The following ATOSA variants were observed in gnomAD, a reference collection of about 807,000 sequenced individuals.
The protein encoded by ATOSA is atos homolog A, also known as atos homolog protein A.
At chr15:52,682,203 CT>C in the ATOSA span, among the ~76,000 whole-genome samples, 1 of 151,886 alleles carries the variant, frequency 6.6e-6, no homozygotes, top group East Asian at 1.9e-4. Context: ...TTTCATTATA[CT>C]TTTGGGGCAA....
chr15:52,640,355 T>A, the ATOSA span, among the ~76,000 whole-genome samples: 1 of 151,472 alleles, frequency 6.6e-6, no homozygotes, highest in African/African-American at 2.4e-5. Flanking sequence ...AGGCTGAGGT[T>A]AGGAGTTCAA....
the ATOSA span, among the ~76,000 whole-genome samples, chr15:52,707,038 G>A: frequency 6.6e-6 from 1 of 152,162 alleles, no homozygotes; most frequent in Non-Finnish European, 1.5e-5. Flanking sequence ...GAGTTGTATG[G>A]TGTGTGAAAT....
chr15:52,674,979 T>C, the ATOSA span, among the ~76,000 whole-genome samples: 21 of 152,080 alleles, frequency 1.4e-4, no homozygotes, highest in Admixed American at 1.0e-3. Flanking sequence ...CTGTGAGAAG[T>C]TGGAATTATT....
At chr15:52,677,900 A>G in the ATOSA span, 1 of 1,418,872 alleles carries the variant, frequency 7.0e-7, no homozygotes, top group African/African-American at 1.4e-5. Flanking sequence ...ATCACATATG[A>G]TACAGAAATA....
At chr15:52,660,867 T>C in the ATOSA span, among the ~76,000 whole-genome samples, 1 of 152,182 alleles carries the variant, frequency 6.6e-6, no homozygotes, top group Non-Finnish European at 1.5e-5. Flanking sequence ...TTGGTAAGGC[T>C]GGTCTCAAAC....
the ATOSA span, among the ~76,000 whole-genome samples, chr15:52,695,599 G>A: frequency 1.3e-5 from 2 of 152,154 alleles, no homozygotes; most frequent in Admixed American, 6.5e-5. Flanking sequence ...TCTTGTCCTC[G>A]TGCACCTATG....
chr15:52,639,819 C>T, the ATOSA span, among the ~76,000 whole-genome samples: 11 of 152,196 alleles, frequency 7.2e-5, no homozygotes, highest in South Asian at 6.2e-4. Context: ...GGCACAATAT[C>T]GGCTCACTGC....
the ATOSA span, among the ~76,000 whole-genome samples, chr15:52,646,345 T>C: frequency 1.3e-5 from 2 of 152,326 alleles, no homozygotes; most frequent in South Asian, 4.1e-4. Flanking sequence ...GGACCTGTCA[T>C]TTCTTGTGCA....
chr15:52,623,111 A>T, the ATOSA span, among the ~76,000 whole-genome samples: 3 of 151,884 alleles, frequency 2.0e-5, no homozygotes, highest in African/African-American at 7.3e-5. Context: ...GTGAACTATG[A>T]TTGCACGACT....
the ATOSA span, among the ~76,000 whole-genome samples, chr15:52,674,641 C>T: frequency 6.6e-6 from 1 of 152,218 alleles, no homozygotes; most frequent in Non-Finnish European, 1.5e-5. Context: ...TATATTTTCT[C>T]AGATAACTAT....
At chr15:52,676,140 T>C in the ATOSA span, among the ~76,000 whole-genome samples, 2 of 152,204 alleles carry the variant, frequency 1.3e-5, no homozygotes, top group African/African-American at 4.8e-5. Context: ...GAACATTTTT[T>C]AAATGTCTCC....
chr15:52,685,796 C>T, the ATOSA span, among the ~76,000 whole-genome samples: 1 of 152,174 alleles, frequency 6.6e-6, no homozygotes, highest in Non-Finnish European at 1.5e-5. Context: ...TAACCTTGGA[C>T]TCCTGTGGGC....
At chr15:52,610,155 T>C in the ATOSA span, 5 of 1,614,030 alleles carry the variant, frequency 3.1e-6, no homozygotes, top group Non-Finnish European at 4.2e-6. Flanking sequence ...CTGCTTCATT[T>C]GGGTTATGGT....
At chr15:52,662,707 T>C in the ATOSA span, among the ~76,000 whole-genome samples, 3 of 150,588 alleles carry the variant, frequency 2.0e-5, no homozygotes, top group Admixed American at 6.6e-5. Flanking sequence ...GAGGCGGAGC[T>C]TGCAGTGAGC....
At chr15:52,583,797 T>G in the ATOSA span, among the ~76,000 whole-genome samples, 2 of 152,148 alleles carry the variant, frequency 1.3e-5, no homozygotes, top group Non-Finnish European at 2.9e-5. Context: ...TCAGATTTGG[T>G]TGAAATACAT....
the ATOSA span, among the ~76,000 whole-genome samples, chr15:52,668,998 C>A: frequency 6.6e-6 from 1 of 151,752 alleles, no homozygotes; most frequent in Non-Finnish European, 1.5e-5. Context: ...CTCCGCCTCC[C>A]CGGTTCACGC....
At chr15:52,586,948 A>G in the ATOSA span, 1 of 1,017,896 alleles carries the variant, frequency 9.8e-7, no homozygotes, top group Non-Finnish European at 1.4e-6. Context: ...TTAAGTATTC[A>G]CCTTGATTAG....
At chr15:52,604,943 T>C in the ATOSA span, among the ~76,000 whole-genome samples, 7 of 152,346 alleles carry the variant, frequency 4.6e-5, no homozygotes, top group South Asian at 1.4e-3. Context: ...AAATTTCATT[T>C]TTATTCACAT....
the ATOSA span, among the ~76,000 whole-genome samples, chr15:52,671,785 G>A: frequency 6.6e-6 from 1 of 151,664 alleles, no homozygotes; most frequent in African/African-American, 2.4e-5. Context: ...CCAATGTGAT[G>A]ACTGGGGAGA....
Sources: gnomAD v4.1 joint callset for allele counts (sites outside exome capture counted in the v4.1 genomes callset) on GRCh38, gnomAD v4.1.1 for gene constraint, MANE v1.5 for transcripts, NCBI Gene and HGNC (gene_info 2026-07-23, HGNC 2026-07-21) for gene names.